Variants in RNF145 observed in about 807,000 individuals in gnomAD.
RNF145 encodes ring finger protein 145.
A neutral mutation model predicts 57.3 loss-of-function variants in RNF145; 12 were observed. That is an observed-to-expected ratio of 0.21 (90% CI 0.13 to 0.34). The LOEUF is 0.34. Among genes scored for constraint, RNF145 ranks in the 10% least tolerant of loss-of-function variants. RNF145 has a pLI of 1.00. For synonymous variants in RNF145, 262 were observed against 288.3 expected (o/e 0.91, Z 0.92); for missense variants, 429 against 799.0 (o/e 0.54, Z 5.58).
chr5:159,175,484 T>C (rs1784691173), intron 5 of RNF145, among the ~76,000 whole-genome samples: 1 of 152,072 alleles, frequency 6.6e-6, no homozygotes, highest in Non-Finnish European at 1.5e-5. Context: ...TCAATAAGTA[T>C]TTACTGAATA....
intron 3 of RNF145, among the ~76,000 whole-genome samples, chr5:159,188,846 A>G (rs1358320068): frequency 1.3e-5 from 2 of 152,172 alleles, no homozygotes; most frequent in Non-Finnish European, 2.9e-5. Flanking sequence ...GAAAACAGAA[A>G]CCCAACTTTT....
intron 3 of RNF145, among the ~76,000 whole-genome samples, chr5:159,188,192 C>G (rs1785150891): frequency 6.6e-6 from 1 of 151,852 alleles, no homozygotes; most frequent in Non-Finnish European, 1.5e-5. Context: ...ACCATCCTGG[C>G]TAACATGGTG....
At chr5:159,168,033 G>GA (rs529764378) in intron 8 of RNF145, among the ~76,000 whole-genome samples, 5 of 151,612 alleles carry the variant, frequency 3.3e-5, no homozygotes, top group South Asian at 2.1e-4. Flanking sequence ...TAGAGAACTA[G>GA]AAAAAAAACA....
chr5:159,168,873 T>C lies in RNF145; in HGVS notation c.1121A>G (p.Lys374Arg). The change falls in exon 8 of 11, where the codon AAG (lysine) becomes AGG (arginine). Residue 374 changes from lysine to arginine, a missense_variant and splice_region_variant. Physicochemically the swap from Lys to Arg is conservative, Grantham distance 26. This residue lies in a region of RNF145 where 216 missense variants were observed against 457.6 expected (regional missense o/e 0.47). Transcript: ENST00000424310. Reference sequence around the variant, plus strand: ...TAAAGAATATTAAGAGGTTTCTTACTTGTCTCTAGATGCTCCCAGTGCCAA... The same window carrying C: ...TAAAGAATATTAAGAGGTTTCTTACCTGTCTCTAGATGCTCCCAGTGCCAA... ...IVLALGASRDKSLWKHFRAVS... is the reference protein window; with the variant it reads ...IVLALGASRDRSLWKHFRAVS... 1.3e-6 allele frequency: 2 copies of C among 1,532,184 alleles called. No individual in the cohort carries two copies. The highest frequency in any genetic ancestry group is 1.7e-6 in the Non-Finnish European group (2 of 1,144,252). The allele number at this position is 1,532,184 out of a possible 1,614,324, so 94.9% of individuals were successfully genotyped here. A position where few individuals can be genotyped will look rare whatever the true frequency, so the allele number is the denominator to read the frequency against.
At chr5:159,182,098 G>T in intron 3 of RNF145, 47 bp from the exon 4 acceptor site, 1 of 1,159,054 alleles carries the variant, frequency 8.6e-7, no homozygotes, top group Non-Finnish European at 1.3e-6. Flanking sequence ...TACATTCCTA[G>T]CGGAATCACA....
intron 3 of RNF145, among the ~76,000 whole-genome samples, chr5:159,188,300 TG>T (rs1266912334): frequency 1.3e-5 from 2 of 150,984 alleles, no homozygotes; most frequent in Non-Finnish European, 2.9e-5. Context: ...GGCAGGAGAA[TG>T]GCGTGAACCC....
Position 159,158,835 on chromosome 5 carries a change from A to G in RNF145, c.1827T>C (p.Thr609=), listed in dbSNP as rs752909481. The change falls in exon 11 of 11, where the codon ACT becomes ACC. Residue 609 remains threonine, a synonymous_variant. Coordinates refer to ENST00000424310, the MANE Select transcript of RNF145 (RefSeq NM_001199383.2). ...GAGTATGCTCCTGGCCTGGGGGTTCAGTACCTTCCTGAAACATGACGTTTT... is the reference window on the plus strand; with the variant it reads ...GAGTATGCTCCTGGCCTGGGGGTTCGGTACCTTCCTGAAACATGACGTTTT... ...AEQNVMFQEG[T]EPPGQEHTPG... 1 of 1,613,952 alleles carries G rather than the reference A, an allele frequency of 6.2e-7. No individual in the cohort carries two copies. The highest frequency in any genetic ancestry group is 8.5e-7 in the Non-Finnish European group (1 of 1,179,868).
intron 9 of RNF145, among the ~76,000 whole-genome samples, chr5:159,161,948 C>A (rs965094422): frequency 1.3e-5 from 2 of 152,078 alleles, no homozygotes; most frequent in African/African-American, 4.8e-5. Flanking sequence ...GTCACCAAAC[C>A]TCATCAACTC....
At position 159,169,833 on chromosome 5, in the gene RNF145, G is replaced by A; in HGVS notation, c.798-14C>T. On this transcript the variant is annotated splice_polypyrimidine_tract_variant and intron_variant, in intron 6 of 10. Transcript: ENST00000424310. ...CATTCCGCAATACTGGAAAAAAAGA[G>A]GGGGAAATTAACAGACATAAACTTT... is the stretch of plus-strand genomic sequence containing the variant. 6.3e-7 allele frequency: 1 copy of A among 1,586,880 alleles called. No homozygotes were observed. The highest frequency in any genetic ancestry group is 8.5e-7 in the Non-Finnish European group (1 of 1,170,352).
chr5:159,209,655 C>G (rs1786045276), upstream of RNF145: 1 of 979,042 alleles, frequency 1.0e-6, no homozygotes, highest in Non-Finnish European at 1.3e-6. Context: ...ATCGCGCCCG[C>G]GGAGTGCTTT....
chr5:159,189,078 T>A (rs1436572231), intron 3 of RNF145, among the ~76,000 whole-genome samples: 1 of 152,190 alleles, frequency 6.6e-6, no homozygotes, highest in Admixed American at 6.5e-5. Flanking sequence ...AATGGAAGAA[T>A]ATATTTGTAA....
At chr5:159,207,711 G>A in intron 1 of RNF145, 1 of 1,612,002 alleles carries the variant, frequency 6.2e-7, no homozygotes, top group Non-Finnish European at 8.5e-7. Flanking sequence ...AAATATAGCT[G>A]GTCCTCCCCA....
intron 8 of RNF145, among the ~76,000 whole-genome samples, chr5:159,164,989 CCT>C (rs1784345968): frequency 1.3e-5 from 2 of 152,290 alleles, no homozygotes; most frequent in African/African-American, 4.8e-5. Context: ...TCTTAATTGT[CCT>C]CTAACTTGAG....
intron 2 of RNF145, among the ~76,000 whole-genome samples, chr5:159,200,752 T>C (rs1329034931): frequency 1.3e-5 from 2 of 152,328 alleles, no homozygotes; most frequent in South Asian, 2.1e-4. Flanking sequence ...CCCTAATGTA[T>C]ACCAAATTCC....
intron 1 of RNF145, among the ~76,000 whole-genome samples, chr5:159,205,306 G>A (rs1175621422): frequency 6.6e-6 from 1 of 152,000 alleles, no homozygotes; most frequent in Admixed American, 6.5e-5. Context: ...GTGAAAATCA[G>A]AACTAAATAT....
At chr5:159,198,489 G>T (rs1416570391) in intron 2 of RNF145, among the ~76,000 whole-genome samples, 3 of 152,144 alleles carry the variant, frequency 2.0e-5, no homozygotes, top group East Asian at 3.9e-4. Flanking sequence ...AGTCAGCCAT[G>T]AGATACATAT....
upstream of RNF145, chr5:159,209,999 A>T: frequency 8.8e-7 from 1 of 1,133,874 alleles, no homozygotes; most frequent in Non-Finnish European, 1.3e-6. Flanking sequence ...AGCCGTGCCC[A>T]GCACCAAGTG....
chr5:159,188,251 G>A (rs1308381184), intron 3 of RNF145, among the ~76,000 whole-genome samples: 5 of 152,098 alleles, frequency 3.3e-5, no homozygotes, highest in African/African-American at 1.2e-4. Flanking sequence ...GCTGGGCATG[G>A]TGGCAGGCGC....
intron 3 of RNF145, among the ~76,000 whole-genome samples, chr5:159,189,648 G>C (rs575874268): frequency 3.3e-5 from 5 of 152,206 alleles, no homozygotes; most frequent in African/African-American, 7.2e-5. Flanking sequence ...TACATGAATT[G>C]TCATAACATT....
Sources: allele counts gnomAD v4.1 joint callset (sites outside exome capture counted in the v4.1 genomes callset), GRCh38; gene constraint gnomAD v4.1.1; regional missense constraint gnomAD v4.1.1; transcripts MANE v1.5; gene names NCBI Gene and HGNC (gene_info 2026-07-23, HGNC 2026-07-21).